Variants in SHISA9 observed in about 807,000 individuals in gnomAD.
SHISA9 encodes shisa family member 9.
Under a neutral mutation model 38.0 loss-of-function variants are expected in SHISA9, and 13 were observed. That is an observed-to-expected ratio of 0.34 (90% CI 0.22 to 0.54). SHISA9 has a LOEUF of 0.54. Ranked by LOEUF, SHISA9 falls within the 20% of genes least tolerant of loss-of-function variation. The pLI is 0.91. For synonymous variants in SHISA9, 275 were observed against 242.0 expected (o/e 1.14, Z -1.27); for missense variants, 538 against 575.8 (o/e 0.93, Z 0.67).
At chr16:13,063,381 A>G (rs1596621146) in intron 2 of SHISA9, among the ~76,000 whole-genome samples, 1 of 152,260 alleles carries the variant, frequency 6.6e-6, no homozygotes, top group East Asian at 1.9e-4. Flanking sequence ...AATGGAAAAA[A>G]AAAACAAAAT....
At chr16:13,069,417 T>C (rs2073482732) in intron 2 of SHISA9, among the ~76,000 whole-genome samples, 1 of 152,056 alleles carries the variant, frequency 6.6e-6, no homozygotes, top group Admixed American at 6.5e-5. Flanking sequence ...TGTGTGCATG[T>C]GTGTGTATGT....
chr16:13,224,186 TAG>T (rs2142077677), intron 4 of SHISA9, among the ~76,000 whole-genome samples: 1 of 152,200 alleles, frequency 6.6e-6, no homozygotes, highest in Admixed American at 6.5e-5. Flanking sequence ...AGTGGGGAAA[TAG>T]AGAGGAAGTC....
chr16:12,931,526 A>C (rs1237838791), intron 2 of SHISA9, among the ~76,000 whole-genome samples: 1 of 152,190 alleles, frequency 6.6e-6, no homozygotes, highest in African/African-American at 2.4e-5. Context: ...CTTATAAGTG[A>C]GAACATGTGG....
At position 12,903,833 on chromosome 16, in the gene SHISA9, G is replaced by C. The variant is rs528254799; in HGVS notation, c.563+1206G>C. 1.5e-3 allele frequency among the ~76,000 whole-genome samples: 229 copies of C among 152,318 alleles called. 1 individual carries two copies. In the South Asian group the frequency reaches 0.017, roughly 12 times the overall value. On this transcript the variant is annotated intron_variant, in intron 1 of 4. Coordinates refer to ENST00000558583, the MANE Select transcript of SHISA9 (RefSeq NM_001145204.3). ...GTGCGCGCGTGTGTGCACGCGCTCCGTGTGATGCCTAAAAAATCTGAACAA... is the reference window on the plus strand; with the variant it reads ...GTGCGCGCGTGTGTGCACGCGCTCCCTGTGATGCCTAAAAAATCTGAACAA...
chr16:13,444,471 A>G, the SHISA9 span, among the ~76,000 whole-genome samples: 1 of 151,652 alleles, frequency 6.6e-6, no homozygotes, highest in Non-Finnish European at 1.5e-5. Flanking sequence ...AAGGAAGGAA[A>G]GAAGGGAGGA....
chr16:13,225,445 C>T (rs2051269679), intron 4 of SHISA9, among the ~76,000 whole-genome samples: 1 of 152,160 alleles, frequency 6.6e-6, no homozygotes, highest in Non-Finnish European at 1.5e-5. Flanking sequence ...AAACAGACCT[C>T]AGGGACCACT....
chr16:12,936,605 A>G (rs1314619273), intron 2 of SHISA9, among the ~76,000 whole-genome samples: 1 of 152,220 alleles, frequency 6.6e-6, no homozygotes, highest in Non-Finnish European at 1.5e-5. Flanking sequence ...CTCACTTCCC[A>G]CGAGCTTCTC....
At chr16:13,197,382 C>A (rs1203531088) in intron 2 of SHISA9, among the ~76,000 whole-genome samples, 1 of 152,104 alleles carries the variant, frequency 6.6e-6, no homozygotes, top group African/African-American at 2.4e-5. Flanking sequence ...CATGGAGAGA[C>A]TTGGAGCATT....
chr16:13,004,050 G>T (rs1432294381), intron 2 of SHISA9, among the ~76,000 whole-genome samples: 1 of 152,128 alleles, frequency 6.6e-6, no homozygotes, highest in Non-Finnish European at 1.5e-5. Flanking sequence ...CAAGAAATAG[G>T]CAGGGAGAGG....
At chr16:13,133,988 A>G (rs2050326753) in intron 2 of SHISA9, among the ~76,000 whole-genome samples, 1 of 152,208 alleles carries the variant, frequency 6.6e-6, no homozygotes, top group South Asian at 2.1e-4. Context: ...CTGACAATGT[A>G]CTCTATGCCT....
At chr16:13,326,079 AAAG>A in the SHISA9 span, among the ~76,000 whole-genome samples, 1 of 151,822 alleles carries the variant, frequency 6.6e-6, no homozygotes, top group Non-Finnish European at 1.5e-5. Context: ...AAAAAAAAAA[AAAG>A]AAAGAAAAAA....
intron 2 of SHISA9, among the ~76,000 whole-genome samples, chr16:13,071,219 A>G (rs2073509961): frequency 6.6e-6 from 1 of 152,180 alleles, no homozygotes; most frequent in African/African-American, 2.4e-5. Context: ...AAAAGGAGTG[A>G]CAGGGTCATA....
chr16:13,104,644 G>T (rs1264836387), intron 2 of SHISA9, among the ~76,000 whole-genome samples: 4 of 152,132 alleles, frequency 2.6e-5, no homozygotes, highest in Non-Finnish European at 5.9e-5. Flanking sequence ...TCCAGAAATG[G>T]CAAATCTATT....
chr16:13,447,058 A>AGAG, the SHISA9 span, among the ~76,000 whole-genome samples: 10 of 149,950 alleles, frequency 6.7e-5, no homozygotes, highest in South Asian at 1.9e-3. Flanking sequence ...GAGAGAGAGA[A>AGAG]AGAAAGAATA....
intron 2 of SHISA9, among the ~76,000 whole-genome samples, chr16:13,022,119 T>C (rs1446067413): frequency 2.6e-5 from 4 of 152,126 alleles, no homozygotes; most frequent in Non-Finnish European, 5.9e-5. Flanking sequence ...GCCTTGTTCC[T>C]TCTGTATCTG....
At chr16:12,977,910 C>T (rs1232015453) in intron 2 of SHISA9, among the ~76,000 whole-genome samples, 1 of 151,970 alleles carries the variant, frequency 6.6e-6, no homozygotes. Context: ...GTACAGCAAA[C>T]CACCATGACA....
intron 2 of SHISA9, among the ~76,000 whole-genome samples, chr16:12,917,253 A>G (rs139863692): frequency 4.1e-4 from 62 of 152,296 alleles, no homozygotes; most frequent in African/African-American, 1.3e-3. Context: ...TCTAGGTTTC[A>G]TGCTGTTTTC....
chr16:13,073,570 G>A (rs915065786), intron 2 of SHISA9, among the ~76,000 whole-genome samples: 3 of 152,156 alleles, frequency 2.0e-5, no homozygotes, highest in African/African-American at 7.2e-5. Context: ...GTGGGGCCCG[G>A]CAATCTGCAG....
At chr16:13,256,694 G>A in the SHISA9 span, among the ~76,000 whole-genome samples, 2 of 152,200 alleles carry the variant, frequency 1.3e-5, no homozygotes, top group African/African-American at 2.4e-5. Flanking sequence ...GTAAAGTCAG[G>A]CAATTGATAA....
Sources: gnomAD v4.1 joint callset for allele counts (sites outside exome capture counted in the v4.1 genomes callset) on GRCh38, gnomAD v4.1.1 for gene constraint, MANE v1.5 for transcripts, NCBI Gene and HGNC (gene_info 2026-07-23, HGNC 2026-07-21) for gene names.